Variants in AGPAT3 observed in about 807,000 individuals in gnomAD.
AGPAT3 encodes 1-acyl-sn-glycerol-3-phosphate acyltransferase gamma.
Under a neutral mutation model 47.3 loss-of-function variants are expected in AGPAT3, and 5 were observed. The observed-to-expected ratio is 0.11, with a 90% CI of 0.06 to 0.22. AGPAT3 has a LOEUF of 0.22. Ranked by LOEUF, AGPAT3 falls within the 10% of genes least tolerant of loss-of-function variation. AGPAT3 has a pLI of 1.00. For synonymous variants in AGPAT3, 212 were observed against 208.3 expected (o/e 1.02, Z -0.15); for missense variants, 315 against 493.0 (o/e 0.64, Z 3.42).
intron 2 of AGPAT3, among the ~76,000 whole-genome samples, chr21:43,935,893 T>C (rs1240209681): frequency 6.6e-6 from 1 of 152,204 alleles, no homozygotes; most frequent in Non-Finnish European, 1.5e-5. Flanking sequence ...GGCAGTGCCC[T>C]GGCTCTCCAG....
chr21:43,924,100 T>C (rs2086978054), intron 2 of AGPAT3, among the ~76,000 whole-genome samples: 1 of 152,074 alleles, frequency 6.6e-6, no homozygotes, highest in Non-Finnish European at 1.5e-5. Flanking sequence ...CACTGCAAGC[T>C]CCACCTCCTG....
intron 1 of AGPAT3, among the ~76,000 whole-genome samples, chr21:43,890,695 G>A (rs1278243181): frequency 6.8e-6 from 1 of 147,316 alleles, no homozygotes; most frequent in Non-Finnish European, 1.5e-5. Context: ...TTACAGGTGT[G>A]AGCCACTGTG....
At chr21:43,960,730 C>T in intron 3 of AGPAT3, 1 of 985,400 alleles carries the variant, frequency 1.0e-6, no homozygotes, top group Non-Finnish European at 1.2e-6. Context: ...GAGCCTTCAT[C>T]TTGCCCGTAC....
At chr21:43,945,720 C>T (rs1410108759) in intron 2 of AGPAT3, among the ~76,000 whole-genome samples, 1 of 152,222 alleles carries the variant, frequency 6.6e-6, no homozygotes, top group Non-Finnish European at 1.5e-5. Flanking sequence ...CATCTTGAAT[C>T]AATGCATTTT....
chr21:43,952,135 G>A lies in AGPAT3; in HGVS notation c.-48-7499G>A, dbSNP rs970027390. Among the ~76,000 whole-genome samples the A allele has an allele frequency of 5.3e-5, 8 of 152,114 alleles. No homozygotes were observed. Among genetic ancestry groups the A allele is most frequent in the African/African-American group, 9.7e-5 (4 of 41,432 alleles). ...CTGGGATGAGGCGGCCTGTGAGTGC[G>A]ATTGGGCTGTGTGACGGCACCAGAG... On this transcript the variant is annotated intron_variant, in intron 2 of 9. Coordinates refer to ENST00000291572, the MANE Select transcript of AGPAT3 (RefSeq NM_020132.5). The surrounding 1 kb of genome is among the most constrained non-coding windows in gnomAD (Gnocchi z 5.6).
chr21:43,928,112 G>T (rs771302953), intron 2 of AGPAT3, among the ~76,000 whole-genome samples: 5 of 152,120 alleles, frequency 3.3e-5, no homozygotes, highest in Admixed American at 6.5e-5. Flanking sequence ...AGCAGAAACG[G>T]AATAACCACT....
intron 2 of AGPAT3, among the ~76,000 whole-genome samples, chr21:43,957,122 G>A (rs903052860): frequency 6.6e-6 from 1 of 152,190 alleles, no homozygotes; most frequent in Non-Finnish European, 1.5e-5. Context: ...TCCAAGGGTG[G>A]TGGGAGTGAC....
rs530720999 is a variant in AGPAT3 at position 43,984,901 on chromosome 21, C to T, written c.*2509C>T. 23 of 349,902 alleles carry T rather than the reference C, an allele frequency of 6.6e-5. No individual in the cohort carries two copies. The highest frequency in any genetic ancestry group is 4.4e-4 in the South Asian group (21 of 47,288). The allele number at this position is 349,902 out of a possible 1,614,324, so 21.7% of individuals were successfully genotyped here. A position where few individuals can be genotyped will look rare whatever the true frequency, so the allele number is the denominator to read the frequency against. ...TGAAGCAACTCTGTAGCCCACAGTC[C>T]GTGCTGGCCACTGTCGGGGTGAGGC... On this transcript the variant is annotated 3_prime_UTR_variant, in exon 10 of 10. Coordinates refer to ENST00000291572, the MANE Select transcript of AGPAT3 (RefSeq NM_020132.5).
intron 1 of AGPAT3, among the ~76,000 whole-genome samples, chr21:43,879,856 C>T (rs932911793): frequency 1.3e-5 from 2 of 152,124 alleles, no homozygotes; most frequent in African/African-American, 4.8e-5. Flanking sequence ...CTGAGCTCTG[C>T]GCCTTTGTCC....
intron 2 of AGPAT3, among the ~76,000 whole-genome samples, chr21:43,956,473 G>C (rs1405424718): frequency 6.6e-6 from 1 of 152,224 alleles, no homozygotes; most frequent in Non-Finnish European, 1.5e-5. Context: ...ATGCGTGAGA[G>C]GTGTTCAACA....
chr21:43,987,160 T>G lies in AGPAT3; in HGVS notation c.*4768T>G, dbSNP rs144301136. ...AAGCGACTCCGTGCCTCCTTCTGTTTCTTCGTTTCCAGTCTGCATAGATGT... is the reference window on the plus strand; with the variant it reads ...AAGCGACTCCGTGCCTCCTTCTGTTGCTTCGTTTCCAGTCTGCATAGATGT... On this transcript the variant is annotated 3_prime_UTR_variant, in exon 10 of 10. Coordinates refer to ENST00000291572, the MANE Select transcript of AGPAT3 (RefSeq NM_020132.5). 8.5e-4 allele frequency among the ~76,000 whole-genome samples: 129 copies of G among 152,376 alleles called. 1 individual carries two copies. Among genetic ancestry groups the G allele is most frequent in the Admixed American group, 3.8e-3 (58 of 15,300 alleles).
intron 5 of AGPAT3, among the ~76,000 whole-genome samples, 162 bp downstream of exon 5, chr21:43,969,441 G>A (rs979599707): frequency 3.9e-5 from 6 of 152,158 alleles, no homozygotes; most frequent in Non-Finnish European, 5.9e-5. Context: ...AGCTGCAGGC[G>A]TGGAGGCTTC....
chr21:43,868,711 T>C (rs900023082), intron 1 of AGPAT3, among the ~76,000 whole-genome samples: 12 of 152,206 alleles, frequency 7.9e-5, no homozygotes, highest in African/African-American at 2.2e-4. Context: ...CGCTGGCTCT[T>C]GTTCTCTTCC....
intron 2 of AGPAT3, among the ~76,000 whole-genome samples, chr21:43,951,210 G>A (rs1423064494): frequency 6.6e-6 from 1 of 152,234 alleles, no homozygotes. Flanking sequence ...GGTGCGGGGT[G>A]GGCGGGACAG....
At chr21:43,916,155 T>G (rs1471277791) in intron 2 of AGPAT3, 1 of 152,238 alleles carries the variant, frequency 6.6e-6, no homozygotes, top group African/African-American at 2.4e-5. Context: ...GCTTAATATA[T>G]GGGTGCTGTT....
At chr21:43,899,706 T>G (rs533273018) in intron 1 of AGPAT3, among the ~76,000 whole-genome samples, 8 of 152,314 alleles carry the variant, frequency 5.3e-5, no homozygotes, top group African/African-American at 1.7e-4. Flanking sequence ...TGAGGATCAC[T>G]GGTCCCCCAG....
rs555172618 is a variant in AGPAT3 at position 43,904,462 on chromosome 21, G to A, written c.-49+443G>A. Among the ~76,000 whole-genome samples, 10 of 152,276 alleles carry A rather than the reference G, an allele frequency of 6.6e-5. No individual in the cohort carries two copies. In the South Asian group the frequency reaches 8.3e-4, roughly 13 times the overall value. On this transcript the variant is annotated intron_variant, in intron 2 of 9. Transcript: ENST00000291572. The stretch of plus-strand genomic sequence containing the variant: ...CTGGGATGGGGCAGAGGTGTGGCCC[G>A]GGGACAGCTGCACAATCCCCGTGGG...
Position 43,981,298 on chromosome 21 carries a change from C to T in AGPAT3, c.1042+111C>T. 1 of 1,176,598 alleles carries T rather than the reference C, an allele frequency of 8.5e-7. No individual in the cohort carries two copies. Among genetic ancestry groups the T allele is most frequent in the Non-Finnish European group, 1.2e-6 (1 of 808,026 alleles). The allele number at this position is 1,176,598 out of a possible 1,614,324, so 72.9% of individuals were successfully genotyped here. ...GTGGCTGTGGGAGGCAGGGGCCTGG[C>T]TGTTATGGACCCTGGAGCCAGGATC... On this transcript the variant is annotated intron_variant, in intron 9 of 9. Coordinates refer to ENST00000291572, the MANE Select transcript of AGPAT3 (RefSeq NM_020132.5). This position sits in a 1 kb window ranked among gnomAD's most constrained non-coding sequence, Gnocchi z 5.3.
chr21:43,924,326 G>A (rs9975713), intron 2 of AGPAT3, among the ~76,000 whole-genome samples: 71,898 of 151,778 alleles, frequency 0.47, 17,939 homozygotes, highest in African/African-American at 0.63. Flanking sequence ...CGCCGAGCCA[G>A]GAAAATGTAA....
Sources: allele counts gnomAD v4.1 joint callset (sites outside exome capture counted in the v4.1 genomes callset), GRCh38; gene constraint gnomAD v4.1.1; non-coding constraint Gnocchi (gnomAD v3.1); transcripts MANE v1.5; gene names NCBI Gene and HGNC (gene_info 2026-07-23, HGNC 2026-07-21).